The following PUM1 variants were observed in gnomAD, a reference collection of about 807,000 sequenced individuals.
PUM1 encodes pumilio RNA binding family member 1.
A neutral mutation model predicts 131.8 loss-of-function variants in PUM1; 13 were observed. The observed-to-expected ratio is 0.10, with a 90% CI of 0.06 to 0.16. PUM1 has a LOEUF of 0.16. Among genes scored for constraint, PUM1 ranks in the 10% least tolerant of loss-of-function variants. The pLI, the probability that PUM1 is intolerant of heterozygous loss-of-function variation, is 1.00. For synonymous variants in PUM1, 509 were observed against 556.5 expected, an observed-to-expected ratio of 0.91 and a Z score of 1.20; for missense variants, 961 against 1,512.4, an observed-to-expected ratio of 0.64 and a Z score of 6.05.
intron 14 of PUM1, among the ~76,000 whole-genome samples, chr1:30,957,087 TACACACACACACAC>T (rs58044891): frequency 4.8e-4 from 67 of 139,972 alleles, no homozygotes; most frequent in African/African-American, 1.8e-3. Context: ...AGGACATTCA[TACACACACACACAC>T]ACACACACAC....
intron 2 of PUM1, among the ~76,000 whole-genome samples, chr1:31,038,201 G>T (rs1643679519): frequency 6.6e-6 from 1 of 150,762 alleles, no homozygotes; most frequent in African/African-American, 2.4e-5. Flanking sequence ...AAAGCTAAAG[G>T]TTAAAAAAAA....
At chr1:30,954,025 A>G in intron 14 of PUM1, 44 bp from the exon 15 acceptor site, 1 of 1,578,854 alleles carries the variant, frequency 6.3e-7, no homozygotes, top group Non-Finnish European at 8.6e-7. Context: ...CTCTTCAGCA[A>G]CTTCATTCAA....
chr1:31,023,943 A>AAC (rs1553151342), intron 3 of PUM1, among the ~76,000 whole-genome samples: 2 of 150,178 alleles, frequency 1.3e-5, no homozygotes, highest in Admixed American at 6.6e-5. Flanking sequence ...AAAAAAAAAA[A>AAC]CCCCAATGAA....
At chr1:30,957,370 T>C (rs919735124) in intron 14 of PUM1, among the ~76,000 whole-genome samples, 2 of 152,250 alleles carry the variant, frequency 1.3e-5, no homozygotes, top group Non-Finnish European at 2.9e-5. Context: ...CTGAATCTCA[T>C]TTAGATGGCG....
In PUM1 at chr1:30,932,665, A is replaced by AT. The variant is rs1491182036; in HGVS notation, c.*545dup. The AT allele has an allele frequency of 1.4e-5, 1 of 70,604 alleles. No individual in the cohort carries two copies. Among genetic ancestry groups the AT allele is most frequent in the African/African-American group, 4.7e-5 (1 of 21,428 alleles). 4.4% of individuals were successfully genotyped at this position (70,604 alleles called of 1,614,324 possible). On this transcript the variant is annotated 3_prime_UTR_variant, in exon 22 of 22. Coordinates refer to ENST00000426105, the MANE Select transcript of PUM1 (RefSeq NM_001020658.2). ...TATATATATATATATATATATATAT[A>AT]TTTTTTATAAACAGTGTTAAATGCC... is the stretch of plus-strand genomic sequence containing the variant.
At chr1:31,030,095 T>C (rs563383924) in intron 2 of PUM1, among the ~76,000 whole-genome samples, 26 of 151,370 alleles carry the variant, frequency 1.7e-4, no homozygotes, top group African/African-American at 4.6e-4. Flanking sequence ...CAGGCGCCTA[T>C]AATCTCAGGA....
At chr1:30,982,278 G>C (rs1232422267) in intron 7 of PUM1, 1 of 152,154 alleles carries the variant, frequency 6.6e-6, no homozygotes, top group Non-Finnish European at 1.5e-5. Context: ...AAATATTTAT[G>C]AAACAAATGA....
intron 2 of PUM1, among the ~76,000 whole-genome samples, chr1:31,047,100 A>T (rs1570348764): frequency 6.6e-6 from 1 of 152,132 alleles, no homozygotes; most frequent in South Asian, 2.1e-4. Context: ...CTGTGGCAGG[A>T]CTCACTTGAA....
chr1:30,938,904 T>TAGATAGAC (rs1255688792), intron 20 of PUM1, among the ~76,000 whole-genome samples: 1 of 70,834 alleles, frequency 1.4e-5, no homozygotes, highest in Non-Finnish European at 3.4e-5. Flanking sequence ...GATAGATAGA[T>TAGATAGAC]AGACAGACAG....
At chr1:30,993,549 C>A (rs984836342) in intron 6 of PUM1, among the ~76,000 whole-genome samples, 2 of 151,986 alleles carry the variant, frequency 1.3e-5, no homozygotes, top group Non-Finnish European at 2.9e-5. Flanking sequence ...ACCCCCTACC[C>A]CAAAAAATCC....
chr1:30,960,139 G>C (rs1640345276), intron 14 of PUM1, among the ~76,000 whole-genome samples: 1 of 152,158 alleles, frequency 6.6e-6, no homozygotes, highest in South Asian at 2.1e-4. Flanking sequence ...ATTTAACACA[G>C]TCCAGGTTGA....
chr1:31,050,721 C>G (rs1282608816), intron 2 of PUM1, among the ~76,000 whole-genome samples: 1 of 152,220 alleles, frequency 6.6e-6, no homozygotes, highest in African/African-American at 2.4e-5. Context: ...GCAGGTACAA[C>G]AGAAAGACAT....
At chr1:30,952,445 C>T (rs1639972799) in intron 15 of PUM1, 82 bp from the exon 16 acceptor site, 2 of 1,595,692 alleles carry the variant, frequency 1.3e-6, no homozygotes, top group Admixed American at 3.4e-5. Flanking sequence ...TTATAGACTG[C>T]ATCCGTTCTG....
rs56936440 is a variant in PUM1 at position 30,999,606 on chromosome 1, C to CA, written c.721-4387dup. Among the ~76,000 whole-genome samples the CA allele has an allele frequency of 9.3e-5, 5 of 53,956 alleles. 1 individual carries two copies. The highest frequency in any genetic ancestry group is 1.4e-3 in the East Asian group (2 of 1,468). 35.4% of individuals were successfully genotyped at this position (53,956 alleles called of 152,430 possible). On this transcript the variant is annotated intron_variant, in intron 5 of 21. Transcript: ENST00000426105. Reference sequence around the variant, plus strand: ...TGGGTGACAGAGCAAGACTCTGTCTCAAAAAAAAAAAAAAAAAAAAAAAAA... The same window carrying CA: ...TGGGTGACAGAGCAAGACTCTGTCTCAAAAAAAAAAAAAAAAAAAAAAAAAA...
At chr1:30,958,577 G>A (rs1640269090) in intron 14 of PUM1, among the ~76,000 whole-genome samples, 1 of 152,130 alleles carries the variant, frequency 6.6e-6, no homozygotes, top group Non-Finnish European at 1.5e-5. Context: ...AAGGGCGGGG[G>A]AGTAGGATAA....
intron 9 of PUM1, among the ~76,000 whole-genome samples, chr1:30,977,887 T>C (rs1641203216): frequency 6.6e-6 from 1 of 152,126 alleles, no homozygotes; most frequent in Non-Finnish European, 1.5e-5. Flanking sequence ...CGCATGAGCT[T>C]TGGAGTTAAA....
chr1:31,012,523 G>C (rs1376128032), intron 3 of PUM1, among the ~76,000 whole-genome samples: 1 of 123,406 alleles, frequency 8.1e-6, no homozygotes, highest in Non-Finnish European at 1.6e-5. Context: ...TGAATCGTAA[G>C]TTTATAAAAT....
intron 3 of PUM1, among the ~76,000 whole-genome samples, chr1:31,024,001 A>G (rs1324495507): frequency 6.6e-6 from 1 of 151,762 alleles, no homozygotes; most frequent in Non-Finnish European, 1.5e-5. Context: ...ATCTAAAAGG[A>G]TATCTTTTAG....
At chr1:31,013,975 T>C (rs1472018301) in intron 3 of PUM1, among the ~76,000 whole-genome samples, 1 of 152,190 alleles carries the variant, frequency 6.6e-6, no homozygotes, top group Admixed American at 6.5e-5. Flanking sequence ...GTTAGCGTAA[T>C]TCTTTTGGAA....
Sources: gnomAD v4.1 joint callset for allele counts (sites outside exome capture counted in the v4.1 genomes callset) on GRCh38, gnomAD v4.1.1 for gene constraint, MANE v1.5 for transcripts, NCBI Gene and HGNC (gene_info 2026-07-23, HGNC 2026-07-21) for gene names.